The following KLHL4 variants were observed in gnomAD, a reference collection of about 807,000 sequenced individuals.
KLHL4 encodes the protein kelch-like protein 4.
In KLHL4, 17 loss-of-function variants were observed where a neutral mutation model predicts 45.8. The observed-to-expected ratio is 0.37, with a 90% CI of 0.25 to 0.56. The LOEUF (loss-of-function observed/expected upper bound fraction) is 0.56, where lower values mean the gene tolerates loss of function less well. Ranked by LOEUF, KLHL4 falls within the 20% of genes least tolerant of loss-of-function variation. KLHL4 has a pLI of 0.79. For missense variants in KLHL4, 544 were observed against 544.9 expected (o/e 1.00, Z 0.02); for synonymous variants, 224 against 189.9 (o/e 1.18, Z -1.47).
intron 7 of KLHL4, 113 bp from the exon 8 acceptor site, chrX:87,633,636 A>G: frequency 1.9e-6 from 1 of 537,431 alleles, no homozygotes; most frequent in South Asian, 4.0e-5. Flanking sequence ...TGTATGCAAA[A>G]TCGTTTAATA....
chrX:87,617,871 G>T (rs1922612164), intron 3 of KLHL4, 61 bp from the exon 4 acceptor site: 5 of 986,727 alleles, frequency 5.1e-6, no homozygotes, highest in Non-Finnish European at 1.4e-6. Context: ...ATGTCAACTA[G>T]TTGACGTAGT....
intron 3 of KLHL4, among the ~76,000 whole-genome samples, chrX:87,616,394 C>A (rs777527011): frequency 8.9e-6 from 1 of 111,841 alleles, no homozygotes; most frequent in Non-Finnish European, 1.9e-5. Context: ...CCTAAATTTT[C>A]ATTATGCTCT....
At chrX:87,544,004 A>G (rs1199189746) in intron 1 of KLHL4, among the ~76,000 whole-genome samples, 4 of 110,632 alleles carry the variant, frequency 3.6e-5, no homozygotes, top group Non-Finnish European at 7.6e-5. Context: ...AGGGTGAAAC[A>G]CCATGTGGAT....
intron 1 of KLHL4, among the ~76,000 whole-genome samples, chrX:87,518,641 C>A (rs1318901086): frequency 3.6e-5 from 4 of 111,672 alleles, no homozygotes; most frequent in Non-Finnish European, 7.5e-5. Flanking sequence ...TGTTTAAATG[C>A]AATTCTTTGT....
intron 1 of KLHL4, among the ~76,000 whole-genome samples, chrX:87,595,928 G>A (rs1334169354): frequency 9.0e-6 from 1 of 111,681 alleles, no homozygotes; most frequent in Non-Finnish European, 1.9e-5. Flanking sequence ...CAATGTTGGA[G>A]GTGGGGCCTG....
chrX:87,519,180 G>A (rs757203566), intron 1 of KLHL4, among the ~76,000 whole-genome samples: 2 of 111,363 alleles, frequency 1.8e-5, no homozygotes, highest in Non-Finnish European at 3.8e-5. Context: ...TAGTCCCAAC[G>A]TGTTTTAGAC....
intron 1 of KLHL4, among the ~76,000 whole-genome samples, chrX:87,553,103 T>C (rs759527992): frequency 1.4e-4 from 15 of 110,573 alleles, no homozygotes; most frequent in African/African-American, 4.6e-4. Context: ...TCCACAATAA[T>C]TAAAAATAAA....
chrX:87,556,773 CATG>C (rs71899006), intron 1 of KLHL4, among the ~76,000 whole-genome samples: 27,843 of 110,566 alleles, frequency 0.25, 2,971 homozygotes, highest in East Asian at 0.51. Context: ...AAAGTGCTAC[CATG>C]TGCCATATCA....
chrX:87,627,932 A>G (rs1456094979), intron 6 of KLHL4, among the ~76,000 whole-genome samples: 1 of 110,983 alleles, frequency 9.0e-6, no homozygotes, highest in African/African-American at 3.3e-5. Flanking sequence ...ACAAATGTTT[A>G]TAAGTATCTA....
chrX:87,532,445 A>C (rs1282196299), intron 1 of KLHL4, among the ~76,000 whole-genome samples: 1 of 109,441 alleles, frequency 9.1e-6, no homozygotes, highest in East Asian at 2.9e-4. Context: ...ATGAACTTTA[A>C]GGTAGTTTTT....
intron 1 of KLHL4, among the ~76,000 whole-genome samples, chrX:87,605,391 T>C (rs1013011035): frequency 9.0e-6 from 1 of 111,410 alleles, no homozygotes; most frequent in African/African-American, 3.3e-5. Flanking sequence ...TTTCAATCTG[T>C]TAACATGGGA....
intron 5 of KLHL4, among the ~76,000 whole-genome samples, chrX:87,624,412 A>T (rs1359478862): frequency 4.4e-5 from 5 of 112,489 alleles, no homozygotes; most frequent in Non-Finnish European, 9.4e-5. Context: ...AGGGAAAAAT[A>T]CATAGCCTAG....
intron 4 of KLHL4, among the ~76,000 whole-genome samples, chrX:87,618,733 T>G (rs1040236663): frequency 5.0e-4 from 56 of 111,114 alleles, no homozygotes; most frequent in African/African-American, 1.8e-3. Flanking sequence ...ACTCCTGACC[T>G]TGTGATCCAC....
chrX:87,634,012 G>A, intron 8 of KLHL4, 101 bp downstream of exon 8: 1 of 643,971 alleles, frequency 1.6e-6, no homozygotes. Flanking sequence ...AAATAACCTG[G>A]ATGTACTTGT....
Position 87,669,136 on chromosome X carries a change from G to A in KLHL4, c.*2602G>A, listed in dbSNP as rs184839621. 9.8e-6 allele frequency: 10 copies of A among 1,017,401 alleles called. No individual in the cohort carries two copies. The Admixed American group carries it at 4.6e-4, about 47-fold the overall frequency. 83.8% of individuals were successfully genotyped at this position (1,017,401 alleles called of 1,213,427 possible). A position where few individuals can be genotyped will look rare whatever the true frequency, so the allele number is the denominator to read the frequency against. ...GTTTAAACAAATGTGTATAGGAAAG[G>A]ATGTTATTTATATATTCTTACAAGA... On this transcript the variant is annotated 3_prime_UTR_variant, in exon 11 of 11. Coordinates refer to ENST00000373119, the MANE Select transcript of KLHL4 (RefSeq NM_019117.5).
chrX:87,649,699 A>G (rs2147835453), intron 9 of KLHL4, among the ~76,000 whole-genome samples: 1 of 111,562 alleles, frequency 9.0e-6, no homozygotes. Context: ...TTCTTTATTG[A>G]GTAAAGATTC....
At chrX:87,608,255 A>G (rs995005958) in intron 1 of KLHL4, among the ~76,000 whole-genome samples, 1 of 111,623 alleles carries the variant, frequency 9.0e-6, no homozygotes, top group African/African-American at 3.3e-5. Flanking sequence ...TCTTCTTCCC[A>G]TTTCCACCCT....
intron 1 of KLHL4, among the ~76,000 whole-genome samples, chrX:87,543,364 T>C (rs766350775): frequency 3.6e-5 from 4 of 111,520 alleles, no homozygotes; most frequent in Admixed American, 2.9e-4. Context: ...TTAACAACTA[T>C]ATACACCCAA....
chrX:87,639,500 T>G (rs1208241410), intron 9 of KLHL4, among the ~76,000 whole-genome samples: 1 of 111,318 alleles, frequency 9.0e-6, no homozygotes, highest in Non-Finnish European at 1.9e-5. Context: ...AATTGAAATT[T>G]TATCAAGTAC....
Sources: gnomAD v4.1 joint callset for allele counts (sites outside exome capture counted in the v4.1 genomes callset) on GRCh38, gnomAD v4.1.1 for gene constraint, MANE v1.5 for transcripts, NCBI Gene and HGNC (gene_info 2026-07-23, HGNC 2026-07-21) for gene names.